The following NWD2 variants were observed in gnomAD, a reference collection of about 807,000 sequenced individuals.
The protein encoded by NWD2 is NACHT and WD repeat domain-containing protein 2.
A neutral mutation model predicts 132.7 loss-of-function variants in NWD2; 37 were observed. That is an observed-to-expected ratio of 0.28 (90% CI 0.21 to 0.37). The LOEUF (loss-of-function observed/expected upper bound fraction) is 0.37. Among genes scored for constraint, NWD2 ranks in the 10% least tolerant of loss-of-function variants. NWD2 has a pLI of 1.00. For synonymous variants in NWD2, 705 were observed against 803.0 expected, an observed-to-expected ratio of 0.88 and a Z score of 2.06; for missense variants, 1,592 against 2,122.4, an observed-to-expected ratio of 0.75 and a Z score of 4.91.
chr4:37,247,699 T>C, intron 1 of NWD2, among the ~76,000 whole-genome samples: 1 of 151,254 alleles, frequency 6.6e-6, no homozygotes, highest in African/African-American at 2.4e-5. Flanking sequence ...AACCTCCACC[T>C]CCCGGCTCCA....
At chr4:37,259,697 G>A (rs964472191) in intron 1 of NWD2, among the ~76,000 whole-genome samples, 4 of 152,254 alleles carry the variant, frequency 2.6e-5, no homozygotes, top group South Asian at 2.1e-4. Flanking sequence ...GGATCCCCAC[G>A]GGGATGGTTA....
chr4:37,359,416 T>C lies in NWD2; in HGVS notation c.357+2934T>C, dbSNP rs575721056. Among the ~76,000 whole-genome samples, 18 of 152,212 alleles carry C rather than the reference T, an allele frequency of 1.2e-4. 1 individual carries two copies. In the East Asian group the frequency reaches 3.5e-3, roughly 29 times the overall value. ...AAAAAAAAGTACTCCTCTTAGGGCC[T>C]TTCCTGTTGTAACTACGGTGACAAC... On this transcript the variant is annotated intron_variant, in intron 3 of 6. Transcript: ENST00000309447.
chr4:37,421,691 T>C (rs186773326), intron 3 of NWD2, among the ~76,000 whole-genome samples: 113 of 152,376 alleles, frequency 7.4e-4, no homozygotes, highest in Non-Finnish European at 1.3e-3. Flanking sequence ...GTAAATTACC[T>C]AATCTATGAC....
intron 1 of NWD2, among the ~76,000 whole-genome samples, chr4:37,266,591 T>C (rs997749192): frequency 3.9e-5 from 6 of 152,214 alleles, no homozygotes; most frequent in South Asian, 4.1e-4. Context: ...GAGATGGTCA[T>C]GTATTGAAGC....
chr4:37,341,251 T>A (rs1196290986), intron 2 of NWD2, among the ~76,000 whole-genome samples: 1 of 152,238 alleles, frequency 6.6e-6, no homozygotes, highest in Admixed American at 6.5e-5. Context: ...AACATAAGTG[T>A]TCTGAGCACC....
At chr4:37,275,863 T>G (rs1285325628) in intron 1 of NWD2, among the ~76,000 whole-genome samples, 1 of 152,136 alleles carries the variant, frequency 6.6e-6, no homozygotes, top group Admixed American at 6.5e-5. Flanking sequence ...ATTCCCTATT[T>G]AATAAATGGT....
At chr4:37,389,280 C>T (rs1241370139) in intron 3 of NWD2, among the ~76,000 whole-genome samples, 2 of 152,214 alleles carry the variant, frequency 1.3e-5, no homozygotes, top group African/African-American at 4.8e-5. Context: ...ATTCTCCTTT[C>T]CTTTGAATGT....
chr4:37,340,542 G>C (rs1409823958), intron 2 of NWD2, among the ~76,000 whole-genome samples: 1 of 152,180 alleles, frequency 6.6e-6, no homozygotes, highest in South Asian at 2.1e-4. Flanking sequence ...GACCAGGGTG[G>C]TGCTTGCAGC....
chr4:37,368,441 C>T lies in NWD2; in HGVS notation c.357+11959C>T, dbSNP rs549113391. Among the ~76,000 whole-genome samples the T allele has an allele frequency of 2.6e-5, 4 of 152,278 alleles. No individual in the cohort carries two copies. The East Asian group carries it at 5.8e-4, about 22-fold the overall frequency. ...TCTATAGTGCCTATCATATGTAAAA[C>T]TGTGCTAAGTTCTGTGAGCTAATGG... On this transcript the variant is annotated intron_variant, in intron 3 of 6. Coordinates refer to ENST00000309447, the MANE Select transcript of NWD2 (RefSeq NM_001144990.2).
intron 5 of NWD2, among the ~76,000 whole-genome samples, chr4:37,436,259 T>C (rs915586510): frequency 6.6e-6 from 1 of 152,168 alleles, no homozygotes; most frequent in Non-Finnish European, 1.5e-5. Flanking sequence ...AAATATAATA[T>C]TCTAATAATG....
chr4:37,331,488 A>G (rs1305140991), intron 2 of NWD2, among the ~76,000 whole-genome samples: 1 of 129,988 alleles, frequency 7.7e-6, no homozygotes. Flanking sequence ...GTATTTCTAT[A>G]CAATACCACC....
At chr4:37,293,151 T>A (rs1718400405) in intron 1 of NWD2, among the ~76,000 whole-genome samples, 1 of 152,236 alleles carries the variant, frequency 6.6e-6, no homozygotes, top group South Asian at 2.1e-4. Context: ...CCAATATTTG[T>A]TGTTTTTTCA....
chr4:37,416,499 CTGG>C (rs1221418148), intron 3 of NWD2, among the ~76,000 whole-genome samples: 2 of 152,064 alleles, frequency 1.3e-5, no homozygotes, highest in African/African-American at 4.8e-5. Flanking sequence ...TTTTACACTG[CTGG>C]TGGGAATGTA....
intron 1 of NWD2, among the ~76,000 whole-genome samples, chr4:37,290,091 G>A (rs1368374175): frequency 6.6e-6 from 1 of 152,154 alleles, no homozygotes; most frequent in African/African-American, 2.4e-5. Context: ...GTAAGCAAAA[G>A]GGAAAGGAGG....
At chr4:37,415,683 AAC>A (rs1711575628) in intron 3 of NWD2, among the ~76,000 whole-genome samples, 1 of 147,238 alleles carries the variant, frequency 6.8e-6, no homozygotes, top group Non-Finnish European at 1.5e-5. Flanking sequence ...CAGCCTGGGC[AAC>A]AGTGCAAGAC....
At chr4:37,302,216 T>G (rs1718625368) in intron 1 of NWD2, among the ~76,000 whole-genome samples, 1 of 152,004 alleles carries the variant, frequency 6.6e-6, no homozygotes. Context: ...GCATTCTTTA[T>G]CCTTCTGTGC....
intron 2 of NWD2, among the ~76,000 whole-genome samples, chr4:37,345,136 A>T (rs958607637): frequency 6.6e-6 from 1 of 152,192 alleles, no homozygotes; most frequent in Non-Finnish European, 1.5e-5. Context: ...GGACATTTGC[A>T]ATATTTCTGT....
Position 37,447,318 on chromosome 4 carries a change from G to A in NWD2, c.*101G>A, listed in dbSNP as rs1712666860. 6.7e-6 allele frequency: 6 copies of A among 892,060 alleles called. No individual in the cohort carries two copies. The highest frequency in any genetic ancestry group is 3.6e-5 in the South Asian group (2 of 55,312). 55.3% of individuals were successfully genotyped at this position (892,060 alleles called of 1,614,324 possible). On this transcript the variant is annotated 3_prime_UTR_variant, in exon 7 of 7. Transcript: ENST00000309447. ...TATTCATTTATTAAAAGGCAGGAGC[G>A]ATGCTGGAATTCCAGTGTTTTATTA...
rs375694488 is a variant in NWD2, at chr4:37,386,009, G to C, written c.357+29527G>C. 7.9e-5 allele frequency among the ~76,000 whole-genome samples: 12 copies of C among 152,268 alleles called. No homozygotes were observed. The East Asian group carries it at 9.6e-4, about 12-fold the overall frequency. The stretch of plus-strand genomic sequence containing the variant: ...AAGTTTTTTAAATCTCTGAAAATGT[G>C]TCCTTTCCTCAGCACATCACACTAC... On this transcript the variant is annotated intron_variant, in intron 3 of 6. Transcript: ENST00000309447.
Sources: allele counts gnomAD v4.1 joint callset (sites outside exome capture counted in the v4.1 genomes callset), GRCh38; gene constraint gnomAD v4.1.1; transcripts MANE v1.5; gene names NCBI Gene and HGNC (gene_info 2026-07-23, HGNC 2026-07-21).